VGLL4: variants seen among roughly 807,000 people sequenced by gnomAD.
VGLL4 encodes the protein transcription cofactor vestigial-like protein 4.
A neutral mutation model predicts 21.0 loss-of-function variants in VGLL4; 7 were observed. That is an observed-to-expected ratio of 0.33 (90% CI 0.19 to 0.63). The LOEUF (loss-of-function observed/expected upper bound fraction) is 0.63. Among genes scored for constraint, VGLL4 ranks in the 20% least tolerant of loss-of-function variants. The pLI, the probability that VGLL4 is intolerant of heterozygous loss-of-function variation, is 0.78. For synonymous variants in VGLL4, 222 were observed against 173.2 expected (o/e 1.28, Z -2.21); for missense variants, 394 against 425.7 (o/e 0.93, Z 0.66).
intron 1 of VGLL4, among the ~76,000 whole-genome samples, chr3:11,606,295 T>C (rs2074938934): frequency 6.6e-6 from 1 of 152,176 alleles, no homozygotes; most frequent in Admixed American, 6.5e-5. Flanking sequence ...CAATTCAAGA[T>C]GAGATTGGGT....
intron 2 of VGLL4, among the ~76,000 whole-genome samples, chr3:11,698,895 A>G (rs1209269259): frequency 6.6e-6 from 1 of 152,248 alleles, no homozygotes; most frequent in East Asian, 1.9e-4. Flanking sequence ...CAAAATGCTG[A>G]AACAATAACA....
intron 2 of VGLL4, among the ~76,000 whole-genome samples, chr3:11,576,884 C>G (rs1005284116): frequency 2.6e-5 from 4 of 152,240 alleles, no homozygotes; most frequent in African/African-American, 9.6e-5. Context: ...CACATTCCCT[C>G]TAGACACCCC....
chr3:11,706,053 T>C (rs1169681697), intron 1 of VGLL4, among the ~76,000 whole-genome samples: 2 of 152,256 alleles, frequency 1.3e-5, no homozygotes, highest in Non-Finnish European at 2.9e-5. Context: ...GGACAATGCT[T>C]TCAAAATTCT....
intron 1 of VGLL4, among the ~76,000 whole-genome samples, chr3:11,715,051 C>G (rs1046891736): frequency 6.6e-6 from 1 of 150,878 alleles, no homozygotes; most frequent in African/African-American, 2.4e-5. Flanking sequence ...AGGAGAATGG[C>G]GTGAACTCGG....
At position 11,559,168 on chromosome 3, in the gene VGLL4, T is replaced by C. The variant is rs12636828; in HGVS notation, c.619+164A>G. ...GTTTCTCATGCCCTTCCCACCCAAG[T>C]CATGCGCAACGCTAGGCGCACACTG... On this transcript the variant is annotated intron_variant, in intron 4 of 4. Transcript: ENST00000430365. Among the ~76,000 whole-genome samples, 296 of 152,208 alleles carry C rather than the reference T, an allele frequency of 1.9e-3. 5 individuals carry two copies. In the East Asian group the frequency reaches 0.046, roughly 24 times the overall value.
chr3:11,631,428 G>C (rs1158293181), intron 1 of VGLL4, among the ~76,000 whole-genome samples: 5 of 152,066 alleles, frequency 3.3e-5, no homozygotes. Flanking sequence ...ACACAAATCT[G>C]AGTTTTTTGT....
chr3:11,600,916 T>C (rs2074778692), intron 2 of VGLL4, among the ~76,000 whole-genome samples: 1 of 152,116 alleles, frequency 6.6e-6, no homozygotes, highest in Non-Finnish European at 1.5e-5. Context: ...CCTCCAATAC[T>C]CAGTGCAACC....
chr3:11,591,554 T>C (rs2074496678), intron 2 of VGLL4, among the ~76,000 whole-genome samples: 1 of 152,246 alleles, frequency 6.6e-6, no homozygotes, highest in Non-Finnish European at 1.5e-5. Context: ...ATGTCAGCTC[T>C]TAAGAGCACA....
At chr3:11,678,660 T>C (rs1398669165) in intron 2 of VGLL4, among the ~76,000 whole-genome samples, 1 of 152,194 alleles carries the variant, frequency 6.6e-6, no homozygotes, top group Non-Finnish European at 1.5e-5. Flanking sequence ...ACCACGGCAC[T>C]ACAGCCTGGG....
At position 11,654,348 on chromosome 3, in the gene VGLL4, A is replaced by C. The variant is rs562429856; in HGVS notation, c.64+48623T>G. On this transcript the variant is annotated intron_variant, in intron 2 of 5. Transcript: ENST00000273038. Reference sequence around the variant, plus strand: ...CTTCTGCATATCCTGTTTCTTTCTCAGTTCTCGCGACAATGCGGAGATGAG... The same window carrying C: ...CTTCTGCATATCCTGTTTCTTTCTCCGTTCTCGCGACAATGCGGAGATGAG... 3.2e-4 allele frequency among the ~76,000 whole-genome samples: 48 copies of C among 152,276 alleles called. 1 individual carries two copies. The highest frequency in any genetic ancestry group is 1.1e-3 in the African/African-American group (44 of 41,534).
At chr3:11,676,874 C>T (rs554716703) in intron 2 of VGLL4, among the ~76,000 whole-genome samples, 18 of 152,216 alleles carry the variant, frequency 1.2e-4, no homozygotes, top group Non-Finnish European at 2.5e-4. Context: ...GCCACAGTAG[C>T]ACTGTAAAAT....
intron 2 of VGLL4, among the ~76,000 whole-genome samples, chr3:11,585,390 G>A (rs973961099): frequency 6.0e-5 from 9 of 151,166 alleles, no homozygotes; most frequent in African/African-American, 2.2e-4. Context: ...CCGAGATTGC[G>A]CCACTGCACT....
intron 1 of VGLL4, among the ~76,000 whole-genome samples, chr3:11,622,780 C>T (rs756186649): frequency 6.6e-6 from 1 of 152,100 alleles, no homozygotes; most frequent in African/African-American, 2.4e-5. Flanking sequence ...ATTATGCTTT[C>T]GAGGGATTAT....
chr3:11,612,788 C>T (rs1234248026), intron 1 of VGLL4: 3 of 152,260 alleles, frequency 2.0e-5, no homozygotes, highest in Non-Finnish European at 4.4e-5. Flanking sequence ...TGACACATCA[C>T]CGGTGAACCC....
intron 1 of VGLL4, among the ~76,000 whole-genome samples, chr3:11,638,564 G>A (rs1224083520): frequency 4.0e-5 from 6 of 151,274 alleles, no homozygotes; most frequent in Admixed American, 4.0e-4. Flanking sequence ...ACCCCCACTG[G>A]CCCCCACTCC....
intron 2 of VGLL4, among the ~76,000 whole-genome samples, chr3:11,590,741 G>A (rs989308971): frequency 1.3e-5 from 2 of 151,978 alleles, no homozygotes; most frequent in Non-Finnish European, 2.9e-5. Flanking sequence ...AAAATGGAGA[G>A]AGAGCAAGAC....
intron 2 of VGLL4, among the ~76,000 whole-genome samples, chr3:11,676,676 T>A (rs1430306176): frequency 6.6e-6 from 1 of 151,840 alleles, no homozygotes; most frequent in African/African-American, 2.4e-5. Flanking sequence ...GGTTTGCATA[T>A]AAATATAAAA....
chr3:11,600,248 G>A (rs1376211032), intron 2 of VGLL4, among the ~76,000 whole-genome samples: 23 of 152,032 alleles, frequency 1.5e-4, no homozygotes, highest in Admixed American at 1.5e-3. Context: ...AGGATACTGG[G>A]CCCAGCTAAA....
At chr3:11,644,160 GTTTC>G (rs1199741012), upstream of VGLL4, among the ~76,000 whole-genome samples, 3 of 152,120 alleles carry the variant, frequency 2.0e-5, no homozygotes, top group African/African-American at 7.2e-5. Flanking sequence ...AACCCAGGAA[GTTTC>G]TTTTTCAGGA....
Sources: gnomAD v4.1 joint callset for allele counts (sites outside exome capture counted in the v4.1 genomes callset) on GRCh38, gnomAD v4.1.1 for gene constraint, MANE v1.5 for transcripts, NCBI Gene and HGNC (gene_info 2026-07-23, HGNC 2026-07-21) for gene names.